Variants in CAMK2B observed in about 807,000 individuals in gnomAD.
The protein encoded by CAMK2B is calcium/calmodulin-dependent protein kinase type II subunit beta.
CAMK2B carries 27 observed loss-of-function variants against 93.7 expected under a neutral mutation model. That is an observed-to-expected ratio of 0.29 (90% CI 0.21 to 0.40). The LOEUF is 0.40. Among genes scored for constraint, CAMK2B ranks in the 10% least tolerant of loss-of-function variants. CAMK2B has a pLI of 1.00. For synonymous variants in CAMK2B, 374 were observed against 358.8 expected, an observed-to-expected ratio of 1.04 and a Z score of -0.48; for missense variants, 568 against 895.8, an observed-to-expected ratio of 0.63 and a Z score of 4.67.
chr7:44,285,071 G>A (rs1008251293), intron 1 of CAMK2B, among the ~76,000 whole-genome samples: 1 of 152,216 alleles, frequency 6.6e-6, no homozygotes, highest in South Asian at 2.1e-4. Flanking sequence ...CTGGCCTGCA[G>A]AGGAGCTCCT....
chr7:44,300,024 G>GTCTGTGTC (rs200664381), intron 1 of CAMK2B, among the ~76,000 whole-genome samples: 1 of 129,938 alleles, frequency 7.7e-6, no homozygotes, highest in East Asian at 2.1e-4. Context: ...ATGTGTCTGT[G>GTCTGTGTC]TGTGTGTGTG....
intron 1 of CAMK2B, among the ~76,000 whole-genome samples, chr7:44,308,999 G>C (rs1316179500): frequency 6.6e-6 from 1 of 152,216 alleles, no homozygotes; most frequent in Non-Finnish European, 1.5e-5. Flanking sequence ...AGCCCTGTCA[G>C]GGGGGTTGTG....
In CAMK2B at chr7:44,271,291, C is replaced by CA; in HGVS notation, c.161-8228dup. On this transcript the variant is annotated intron_variant, in intron 2 of 23. Coordinates refer to ENST00000395749, the MANE Select transcript of CAMK2B (RefSeq NM_001220.5). This position sits in a 1 kb window ranked among gnomAD's most constrained non-coding sequence, Gnocchi z 4.2. ...GCACACTCTGCACCCTGCCTGGTAC[C>CA]AACACACTTAACTCAAGCGTCCCAA... 6.6e-6 allele frequency among the ~76,000 whole-genome samples: 1 copy of CA among 152,318 alleles called. No individual in the cohort carries two copies. The highest frequency in any genetic ancestry group is 3.4e-3 in the Middle Eastern group (1 of 294).
intron 2 of CAMK2B, among the ~76,000 whole-genome samples, chr7:44,277,169 G>A (rs1187968079): frequency 6.6e-6 from 1 of 152,176 alleles, no homozygotes; most frequent in Non-Finnish European, 1.5e-5. Context: ...CTGGGCAAGC[G>A]GGCGGGGGGT....
chr7:44,231,136 G>A (rs1381060148), intron 16 of CAMK2B, 82 bp from the exon 17 acceptor site: 2 of 1,096,930 alleles, frequency 1.8e-6, no homozygotes, highest in African/African-American at 1.6e-5. Flanking sequence ...ACAGGGCTGG[G>A]CCTGTGTCAG....
chr7:44,220,314 C>CG lies in CAMK2B; in HGVS notation c.1769-21dup. ...CCAGCACTGTGGACAGCAGGCGGGGCGGGGGTCTCGGGTTACCATGACTGC... is the reference window on the plus strand; with the variant it reads ...CCAGCACTGTGGACAGCAGGCGGGGCGGGGGGTCTCGGGTTACCATGACTGC... On this transcript the variant is annotated intron_variant, in intron 22 of 23. Transcript: ENST00000395749. The CG allele has an allele frequency of 6.3e-7, 1 of 1,584,282 alleles. No homozygotes were observed. Among genetic ancestry groups the CG allele is most frequent in the Middle Eastern group, 1.7e-4 (1 of 6,002 alleles).
chr7:44,238,334 C>T (rs551263711), intron 13 of CAMK2B, among the ~76,000 whole-genome samples: 34 of 152,298 alleles, frequency 2.2e-4, no homozygotes, highest in Middle Eastern at 6.8e-3. Context: ...GGCATTGCAG[C>T]GGGAGCCCCG....
chr7:44,296,585 C>T (rs1272143487), intron 1 of CAMK2B, among the ~76,000 whole-genome samples: 1 of 152,018 alleles, frequency 6.6e-6, no homozygotes, highest in African/African-American at 2.4e-5. Flanking sequence ...ATCCAGGATG[C>T]TCAGAGAATT....
At chr7:44,297,437 G>A (rs1371004416) in intron 1 of CAMK2B, among the ~76,000 whole-genome samples, 1 of 152,052 alleles carries the variant, frequency 6.6e-6, no homozygotes. Context: ...AAGAAACAAA[G>A]AAAATAGGGA....
At chr7:44,253,500 A>G (rs1002263662) in intron 5 of CAMK2B, among the ~76,000 whole-genome samples, 1 of 152,252 alleles carries the variant, frequency 6.6e-6, no homozygotes, top group Non-Finnish European at 1.5e-5. Context: ...CGTGTGAGCC[A>G]CCACGCACGG....
intron 1 of CAMK2B, among the ~76,000 whole-genome samples, chr7:44,306,940 A>AAG (rs1791841232): frequency 1.8e-4 from 2 of 11,166 alleles, no homozygotes; most frequent in Admixed American, 1.1e-3. Context: ...GCAGGAAGAG[A>AAG]AGGGGGTGAG....
intron 2 of CAMK2B, among the ~76,000 whole-genome samples, chr7:44,270,502 G>C (rs146055778): frequency 1.0e-3 from 157 of 152,344 alleles, no homozygotes; most frequent in African/African-American, 3.6e-3. Context: ...GCCTGAGGCT[G>C]TCTGGCTGAA....
At chr7:44,226,058 C>A (rs540979570) in intron 20 of CAMK2B, 20 of 477,738 alleles carry the variant, frequency 4.2e-5, no homozygotes, top group Non-Finnish European at 6.3e-5. Flanking sequence ...CCACCTGCTC[C>A]CTGCTGTCTG....
Position 44,247,373 on chromosome 7 carries a change from G to A in CAMK2B, c.342-181C>T. The stretch of plus-strand genomic sequence containing the variant: ...GGCTTCTTCCTCACCTCCAAGGCCA[G>A]CAACTCTGGCCCTGGCCCTGCCTTC... On this transcript the variant is annotated intron_variant, in intron 5 of 23. Coordinates refer to ENST00000395749, the MANE Select transcript of CAMK2B (RefSeq NM_001220.5). 4 of 638,638 alleles carry A rather than the reference G, an allele frequency of 6.3e-6. No individual in the cohort carries two copies. In the East Asian group the frequency reaches 8.2e-5, roughly 13 times the overall value. The allele number at this position is 638,638 out of a possible 1,614,324, so 39.6% of individuals were successfully genotyped here. A position where few individuals can be genotyped will look rare whatever the true frequency, so the allele number is the denominator to read the frequency against.
intron 1 of CAMK2B, among the ~76,000 whole-genome samples, chr7:44,300,316 G>A (rs1789606552): frequency 6.6e-6 from 1 of 152,026 alleles, no homozygotes; most frequent in Non-Finnish European, 1.5e-5. Flanking sequence ...AATTACAGGT[G>A]TAAGCCACCA....
At position 44,284,233 on chromosome 7, in the gene CAMK2B, G is replaced by A. The variant is rs1170520527; in HGVS notation, c.66-8C>T. The stretch of plus-strand genomic sequence containing the variant: ...ACCACAGAGAAAGCCCCCCTGGGGA[G>A]GAAAATGGGGGAGCGAGAGACAGAG... On this transcript the variant is annotated splice_region_variant and splice_polypyrimidine_tract_variant and intron_variant, in intron 1 of 23. Transcript: ENST00000395749. The A allele has an allele frequency of 6.3e-7, 1 of 1,589,290 alleles. No homozygotes were observed. The highest frequency in any genetic ancestry group is 1.1e-5 in the South Asian group (1 of 90,284).
At chr7:44,226,028 A>AT in intron 20 of CAMK2B, 1 of 735,872 alleles carries the variant, frequency 1.4e-6, no homozygotes, top group South Asian at 1.7e-5. Flanking sequence ...GCTGCCCCCC[A>AT]GATCCGCGCC....
At chr7:44,282,015 C>T (rs2097105822) in intron 2 of CAMK2B, among the ~76,000 whole-genome samples, 1 of 152,226 alleles carries the variant, frequency 6.6e-6, no homozygotes, top group African/African-American at 2.4e-5. Context: ...CAGTCCCATT[C>T]CAGAGGCTCT....
intron 1 of CAMK2B, among the ~76,000 whole-genome samples, chr7:44,305,358 C>A (rs1352696519): frequency 6.6e-6 from 1 of 152,162 alleles, no homozygotes; most frequent in Non-Finnish European, 1.5e-5. Context: ...GTGGCTCATG[C>A]CTATAATCCC....
Sources: allele counts gnomAD v4.1 joint callset (sites outside exome capture counted in the v4.1 genomes callset), GRCh38; gene constraint gnomAD v4.1.1; non-coding constraint Gnocchi (gnomAD v3.1); transcripts MANE v1.5; gene names NCBI Gene and HGNC (gene_info 2026-07-23, HGNC 2026-07-21).